DCAF8L2: variants seen among roughly 807,000 people sequenced by gnomAD.
DCAF8L2 encodes the protein DDB1 and CUL4 associated factor 8 like 2, also known as DDB1- and CUL4-associated factor 8-like protein 2.
For synonymous variants in DCAF8L2, 200 were observed against 190.9 expected (o/e 1.05, Z -0.39); for missense variants, 430 against 490.7 (o/e 0.88, Z 1.17).
intron 1 of DCAF8L2, among the ~76,000 whole-genome samples, chrX:27,602,522 G>A (rs1393449343): frequency 9.0e-6 from 1 of 111,274 alleles, no homozygotes; most frequent in Non-Finnish European, 1.9e-5. Flanking sequence ...ATTTCTCTAT[G>A]TACCTTTATT....
chrX:27,722,213 G>GA (rs1244835382), intron 4 of DCAF8L2, among the ~76,000 whole-genome samples: 2 of 111,247 alleles, frequency 1.8e-5, no homozygotes, highest in Non-Finnish European at 3.8e-5. Context: ...TTTTTTAAAA[G>GA]AAAACAAAAT....
chrX:27,567,807 AAGAC>A, the DCAF8L2 span, among the ~76,000 whole-genome samples: 1 of 108,551 alleles, frequency 9.2e-6, no homozygotes, highest in Non-Finnish European at 1.9e-5. Context: ...GTTTTGTTTT[AAGAC>A]AGACAGGGAG....
chrX:27,669,770 A>T (rs984992485), intron 2 of DCAF8L2, among the ~76,000 whole-genome samples: 4 of 110,865 alleles, frequency 3.6e-5, no homozygotes, highest in Non-Finnish European at 7.5e-5. Context: ...GATGGTTTCC[A>T]GCTTCATCCA....
chrX:27,655,824 G>A (rs1185722836), intron 2 of DCAF8L2, among the ~76,000 whole-genome samples: 1 of 111,444 alleles, frequency 9.0e-6, no homozygotes, highest in Non-Finnish European at 1.9e-5. Flanking sequence ...GTTGGGCACC[G>A]CATTCAGCTG....
In DCAF8L2 at chrX:27,748,147, A is replaced by T. The variant is rs1449017746; in HGVS notation, c.1252A>T (p.Asn418Tyr). 3 of 1,210,418 alleles carry T rather than the reference A, an allele frequency of 2.5e-6. No individual in the cohort carries two copies. Among genetic ancestry groups the T allele is most frequent in the Admixed American group, 2.2e-5 (1 of 45,808 alleles). Reference sequence around the variant, plus strand: ...GAAATTCACTCCTCATCATCTGGTTAATTGTGATTTCCCAACAAACATCAC... The same window carrying T: ...GAAATTCACTCCTCATCATCTGGTTTATTGTGATTTCCCAACAAACATCAC... ...LKKFTPHHLVNCDFPTNITCV... is the reference protein window; with the variant it reads ...LKKFTPHHLVYCDFPTNITCV... The change falls in exon 5 of 5, where the codon AAT becomes TAT. Residue 418 changes from asparagine (N) to tyrosine (Y), a missense_variant. By Grantham distance (143) the Asn-to-Tyr change is moderately radical. Coordinates refer to ENST00000451261, the MANE Select transcript of DCAF8L2 (RefSeq NM_001353450.2).
the DCAF8L2 span, among the ~76,000 whole-genome samples, chrX:27,482,729 TA>T: frequency 9.0e-6 from 1 of 111,468 alleles, no homozygotes; most frequent in African/African-American, 3.3e-5. Context: ...ATGTAGAGGA[TA>T]ACTTCCCTTG....
chrX:27,620,292 A>G (rs1048772502), intron 1 of DCAF8L2, among the ~76,000 whole-genome samples: 1 of 111,764 alleles, frequency 8.9e-6, no homozygotes, highest in African/African-American at 3.2e-5. Context: ...CGGTAGTACC[A>G]CTTTCAAAAA....
chrX:27,552,212 G>A, the DCAF8L2 span, among the ~76,000 whole-genome samples: 1 of 111,296 alleles, frequency 9.0e-6, no homozygotes, highest in South Asian at 3.7e-4. Flanking sequence ...CTTGTTAAAT[G>A]CATAATTTGC....
the DCAF8L2 span, among the ~76,000 whole-genome samples, chrX:27,554,275 C>T: frequency 1.8e-5 from 2 of 111,883 alleles, no homozygotes; most frequent in South Asian, 7.4e-4. Flanking sequence ...CCTTACAGCA[C>T]ATAAAGATTC....
At chrX:27,509,577 A>T in the DCAF8L2 span, among the ~76,000 whole-genome samples, 1 of 112,370 alleles carries the variant, frequency 8.9e-6, no homozygotes, top group African/African-American at 3.2e-5. Context: ...TTGCATTTTT[A>T]AAAATTCAAC....
chrX:27,706,277 T>C (rs1310496580), intron 3 of DCAF8L2, among the ~76,000 whole-genome samples: 1 of 111,218 alleles, frequency 9.0e-6, no homozygotes, highest in East Asian at 2.8e-4. Flanking sequence ...TGGCATAGTA[T>C]TGCCTGGGCT....
intron 2 of DCAF8L2, among the ~76,000 whole-genome samples, chrX:27,662,876 A>C (rs1189564144): frequency 1.8e-5 from 2 of 111,750 alleles, no homozygotes; most frequent in African/African-American, 6.5e-5. Flanking sequence ...ACAGAAGTTC[A>C]GTGTACCTTT....
intron 2 of DCAF8L2, among the ~76,000 whole-genome samples, chrX:27,647,451 G>T (rs180695832): frequency 5.9e-4 from 66 of 111,489 alleles, no homozygotes; most frequent in African/African-American, 2.0e-3. Flanking sequence ...AAGAACTAAT[G>T]CATGCTGGGC....
rs900724463 is a variant in DCAF8L2, at chrX:27,746,836, A to T, written c.-58-2A>T. On this transcript the variant is annotated splice_acceptor_variant, in intron 4 of 4. Transcript: ENST00000451261. LOFTEE classifies it low-confidence loss of function (5UTR_SPLICE). ...CTAACCGCAGGCCAACTTTCTTCCC[A>T]GAGCTTTTAGGGGCCTGGCCTTTGC... is the stretch of plus-strand genomic sequence containing the variant. 3 of 1,103,106 alleles carry T rather than the reference A, an allele frequency of 2.7e-6. No homozygotes were observed. The highest frequency in any genetic ancestry group is 3.6e-6 in the Non-Finnish European group (3 of 831,231). 90.9% of individuals were successfully genotyped at this position (1,103,106 alleles called of 1,213,427 possible).
the DCAF8L2 span, among the ~76,000 whole-genome samples, chrX:27,477,093 C>T: frequency 2.7e-5 from 3 of 111,656 alleles, no homozygotes; most frequent in African/African-American, 9.8e-5. Context: ...ACTTGTTTCC[C>T]CAGATCTCCT....
intron 3 of DCAF8L2, among the ~76,000 whole-genome samples, chrX:27,691,276 C>G (rs1365864339): frequency 9.0e-6 from 1 of 111,279 alleles, no homozygotes; most frequent in Non-Finnish European, 1.9e-5. Flanking sequence ...GGTTTTTTGT[C>G]TCACTTATTT....
At chrX:27,619,433 CAGAG>C (rs1414103670) in intron 1 of DCAF8L2, among the ~76,000 whole-genome samples, 4 of 110,677 alleles carry the variant, frequency 3.6e-5, no homozygotes, top group African/African-American at 9.9e-5. Context: ...CAGACAGAGA[CAGAG>C]AGATTTGTTA....
chrX:27,562,360 C>T, the DCAF8L2 span, among the ~76,000 whole-genome samples: 2 of 112,355 alleles, frequency 1.8e-5, no homozygotes, highest in African/African-American at 6.5e-5. Context: ...TTAACAGCCA[C>T]CTTGTGCCAA....
chrX:27,555,140 A>G, the DCAF8L2 span, among the ~76,000 whole-genome samples: 2 of 111,882 alleles, frequency 1.8e-5, no homozygotes, highest in African/African-American at 6.5e-5. Context: ...AATGGCTGAG[A>G]TGCTGTAACT....
Sources: gnomAD v4.1 joint callset for allele counts (sites outside exome capture counted in the v4.1 genomes callset) on GRCh38, gnomAD v4.1.1 for gene constraint, MANE v1.5 for transcripts, NCBI Gene and HGNC (gene_info 2026-07-23, HGNC 2026-07-21) for gene names.